Variants in CCDC192 observed in about 807,000 individuals in gnomAD.
CCDC192 encodes coiled-coil domain containing 192.
intron 5 of CCDC192, among the ~76,000 whole-genome samples, chr5:127,840,516 G>T (rs1353163299): frequency 6.6e-6 from 1 of 152,116 alleles, no homozygotes; most frequent in East Asian, 1.9e-4. Context: ...TGCAATGTAT[G>T]TGCCTATAAT....
At chr5:127,749,523 T>C (rs1350924271) in intron 2 of CCDC192, among the ~76,000 whole-genome samples, 2 of 152,040 alleles carry the variant, frequency 1.3e-5, no homozygotes, top group African/African-American at 4.8e-5. Context: ...GCCAGTATTT[T>C]ATTGAGGATT....
chr5:127,928,233 A>C (rs1352379966), intron 6 of CCDC192, among the ~76,000 whole-genome samples: 1 of 152,118 alleles, frequency 6.6e-6, no homozygotes, highest in Admixed American at 6.5e-5. Flanking sequence ...GATCTTTTAT[A>C]GTTCTTATAG....
At chr5:127,788,844 AT>A (rs1372759151) in intron 3 of CCDC192, among the ~76,000 whole-genome samples, 2 of 152,150 alleles carry the variant, frequency 1.3e-5, no homozygotes, top group African/African-American at 4.8e-5. Flanking sequence ...CATATGTTGA[AT>A]TCCTAATTTT....
At chr5:127,905,464 A>G (rs1464794736) in intron 6 of CCDC192, among the ~76,000 whole-genome samples, 1 of 152,208 alleles carries the variant, frequency 6.6e-6, no homozygotes, top group African/African-American at 2.4e-5. Flanking sequence ...GAAGTTTTGC[A>G]TTTTATTAAA....
intron 6 of CCDC192, among the ~76,000 whole-genome samples, chr5:127,879,036 T>C (rs1752239370): frequency 6.7e-6 from 1 of 150,342 alleles, no homozygotes; most frequent in African/African-American, 2.5e-5. Flanking sequence ...AGAATGCTTG[T>C]GATTTTTGTA....
At chr5:127,752,906 C>G (rs552553450) in intron 2 of CCDC192, among the ~76,000 whole-genome samples, 2 of 152,304 alleles carry the variant, frequency 1.3e-5, no homozygotes, top group South Asian at 4.1e-4. Context: ...CTTTCTTTGA[C>G]TAGGAAAGGG....
intron 5 of CCDC192, among the ~76,000 whole-genome samples, chr5:127,846,819 C>CAAAAA (rs551016691): frequency 3.1e-5 from 2 of 63,678 alleles, no homozygotes; most frequent in Non-Finnish European, 5.8e-5. Flanking sequence ...GTCAATAAAG[C>CAAAAA]AAAAAAAAAA....
At chr5:127,854,916 A>G (rs1316432342) in intron 5 of CCDC192, among the ~76,000 whole-genome samples, 1 of 152,274 alleles carries the variant, frequency 6.6e-6, no homozygotes, top group Non-Finnish European at 1.5e-5. Context: ...CAATGTAAAC[A>G]TAACTTTTCA....
chr5:127,849,147 T>C (rs533491785), intron 5 of CCDC192, among the ~76,000 whole-genome samples: 1 of 152,280 alleles, frequency 6.6e-6, no homozygotes, highest in Admixed American at 6.5e-5. Flanking sequence ...GGAGAATCAA[T>C]TGAACCCAAG....
intron 3 of CCDC192, among the ~76,000 whole-genome samples, chr5:127,769,155 G>C (rs759046957): frequency 2.6e-5 from 4 of 152,300 alleles, no homozygotes; most frequent in African/African-American, 4.8e-5. Context: ...ACAATAAGAA[G>C]AGATAAATAG....
At chr5:127,730,202 C>A (rs1003966228) in intron 2 of CCDC192, among the ~76,000 whole-genome samples, 1 of 151,904 alleles carries the variant, frequency 6.6e-6, no homozygotes, top group Non-Finnish European at 1.5e-5. Context: ...TACCACTGAC[C>A]CCACAGAATA....
chr5:127,845,526 G>T (rs17164612), intron 5 of CCDC192, among the ~76,000 whole-genome samples: 1,528 of 152,274 alleles, frequency 0.01, 15 homozygotes, highest in African/African-American at 0.035. Context: ...AAGCCCCTTA[G>T]TGAACAAATA....
intron 5 of CCDC192, among the ~76,000 whole-genome samples, chr5:127,825,055 G>T (rs1042680800): frequency 5.9e-5 from 9 of 152,158 alleles, no homozygotes; most frequent in Admixed American, 2.0e-4. Flanking sequence ...ACCAGATTTT[G>T]ATACTCTTAG....
intron 5 of CCDC192, among the ~76,000 whole-genome samples, chr5:127,816,174 T>C (rs1191529537): frequency 6.6e-6 from 1 of 152,134 alleles, no homozygotes; most frequent in Non-Finnish European, 1.5e-5. Context: ...AGAGAGTGAC[T>C]TAGAAATCAA....
intron 2 of CCDC192, among the ~76,000 whole-genome samples, chr5:127,737,337 G>C (rs920791310): frequency 6.6e-6 from 1 of 152,060 alleles, no homozygotes; most frequent in Non-Finnish European, 1.5e-5. Flanking sequence ...GCTGAGGAGA[G>C]CTTTACTTCC....
At chr5:127,786,737 A>G in intron 3 of CCDC192, 6 of 713,062 alleles carry the variant, frequency 8.4e-6, no homozygotes, top group Non-Finnish European at 1.3e-5. Context: ...CTCCATGCTT[A>G]AGAAGACTTG....
chr5:127,721,254 C>A (rs533161857), intron 2 of CCDC192, among the ~76,000 whole-genome samples: 2 of 152,182 alleles, frequency 1.3e-5, no homozygotes, highest in Admixed American at 6.5e-5. Context: ...AACCAGCCAG[C>A]GCATATCTTG....
chr5:127,705,031 A>G (rs374373820), intron 1 of CCDC192, among the ~76,000 whole-genome samples: 19 of 152,338 alleles, frequency 1.2e-4, no homozygotes, highest in African/African-American at 4.6e-4. Context: ...ATGCCGTATC[A>G]TTACTCCCTG....
chr5:127,883,186 A>G (rs965809685), intron 6 of CCDC192, among the ~76,000 whole-genome samples: 21 of 152,202 alleles, frequency 1.4e-4, no homozygotes, highest in Non-Finnish European at 2.6e-4. Flanking sequence ...AGAAAATGAC[A>G]AGAACTTATG....
Sources: gnomAD v4.1 joint callset for allele counts (sites outside exome capture counted in the v4.1 genomes callset) on GRCh38, gnomAD v4.1.1 for gene constraint, MANE v1.5 for transcripts, NCBI Gene and HGNC (gene_info 2026-07-23, HGNC 2026-07-21) for gene names.